HDAC4: variants seen among roughly 807,000 people sequenced by gnomAD.
The protein encoded by HDAC4 is histone deacetylase A.
A neutral mutation model predicts 135.1 loss-of-function variants in HDAC4; 16 were observed. The observed-to-expected ratio is 0.12, with a 90% CI of 0.08 to 0.18. The LOEUF is 0.18. Among genes scored for constraint, HDAC4 ranks in the 10% least tolerant of loss-of-function variants. The probability of loss-of-function intolerance (pLI) is 1.00; values close to 1 mark genes in which losing one functional copy is unlikely to be tolerated. For synonymous variants in HDAC4, 685 were observed against 653.4 expected (o/e 1.05, Z -0.74); for missense variants, 1,143 against 1,511.8 (o/e 0.76, Z 4.05).
At chr2:239,225,091 A>C (rs1435032464) in intron 3 of HDAC4, among the ~76,000 whole-genome samples, 1 of 152,256 alleles carries the variant, frequency 6.6e-6, no homozygotes, top group Non-Finnish European at 1.5e-5. Flanking sequence ...GACTTTCGGG[A>C]AACAAAAAAC....
chr2:239,065,346 C>T lies in HDAC4; in HGVS notation c.3003+1376G>A, dbSNP rs111639483. Among the ~76,000 whole-genome samples the T allele has an allele frequency of 1.6e-3, 242 of 152,350 alleles. 1 individual carries two copies. The highest frequency in any genetic ancestry group is 5.5e-3 in the African/African-American group (227 of 41,574). On this transcript the variant is annotated intron_variant, in intron 24 of 26. Transcript: ENST00000543185. ...ACAGGCAGGCAAAAGCCAGCACTGACCCGAGGGCATCTGAGCTGCTGTCCC... is the reference window on the plus strand; with the variant it reads ...ACAGGCAGGCAAAAGCCAGCACTGATCCGAGGGCATCTGAGCTGCTGTCCC...
intron 4 of HDAC4, chr2:239,186,686 G>C (rs566806687): frequency 6.6e-6 from 1 of 152,442 alleles, no homozygotes; most frequent in South Asian, 2.1e-4. Context: ...TAGGAGCGAC[G>C]TGAGGACTGG....
At chr2:239,058,149 T>C (rs944262806) in intron 24 of HDAC4, among the ~76,000 whole-genome samples, 2 of 152,144 alleles carry the variant, frequency 1.3e-5, no homozygotes, top group Non-Finnish European at 2.9e-5. Context: ...CGGGCTTTGG[T>C]TTGCATGGAG....
At chr2:239,128,412 G>A (rs145900122) in intron 11 of HDAC4, among the ~76,000 whole-genome samples, 7,070 of 151,904 alleles carry the variant, frequency 0.047, 285 homozygotes, top group Non-Finnish European at 0.07. Context: ...GCCTGTAATC[G>A]CAGCTACTCA....
At chr2:239,383,980 G>A (rs903622078) in intron 1 of HDAC4, among the ~76,000 whole-genome samples, 4 of 152,228 alleles carry the variant, frequency 2.6e-5, no homozygotes, top group Non-Finnish European at 2.9e-5. Context: ...CCTGGGCACC[G>A]TGCGAGAGGC....
rs568125675 is a variant in HDAC4, at chr2:239,313,190, C to A, written c.22+39488G>T. 1.3e-5 allele frequency among the ~76,000 whole-genome samples: 2 copies of A among 152,338 alleles called. No homozygotes were observed. The highest frequency in any genetic ancestry group is 4.1e-4 in the South Asian group (2 of 4,826). On this transcript the variant is annotated intron_variant, in intron 2 of 26. Coordinates refer to ENST00000543185, the MANE Select transcript of HDAC4 (RefSeq NM_001378414.1). The surrounding 1 kb of genome is among the most constrained non-coding windows in gnomAD (Gnocchi z 5.1). ...GCCCAGTCTCTCCCTCTCACCAGCA[C>A]ACAGATGTTCTCAGCGGCAGAGCCT... is the stretch of plus-strand genomic sequence containing the variant.
intron 2 of HDAC4, among the ~76,000 whole-genome samples, chr2:239,252,165 A>G (rs1374862649): frequency 6.6e-6 from 1 of 152,200 alleles, no homozygotes; most frequent in Non-Finnish European, 1.5e-5. Context: ...TGGTGGTTCC[A>G]GGATTCTGGC....
At chr2:239,226,653 T>C (rs907689331) in intron 3 of HDAC4, among the ~76,000 whole-genome samples, 1 of 149,460 alleles carries the variant, frequency 6.7e-6, no homozygotes, top group East Asian at 2.0e-4. Flanking sequence ...ACAACAACAA[T>C]GTAACATGTA....
At chr2:239,192,187 G>A (rs1319215946) in intron 3 of HDAC4, among the ~76,000 whole-genome samples, 2 of 115,684 alleles carry the variant, frequency 1.7e-5, no homozygotes, top group Non-Finnish European at 3.4e-5. Flanking sequence ...CCGCACATGG[G>A]TGAGGACTGT....
chr2:239,380,950 G>A (rs1441641339), intron 1 of HDAC4, among the ~76,000 whole-genome samples: 2 of 152,116 alleles, frequency 1.3e-5, no homozygotes, highest in Non-Finnish European at 2.9e-5. Flanking sequence ...AGCGCCTCCC[G>A]GATGCAAGGA....
At chr2:239,362,883 G>T (rs758634006) in intron 1 of HDAC4, among the ~76,000 whole-genome samples, 7 of 152,176 alleles carry the variant, frequency 4.6e-5, no homozygotes, top group African/African-American at 1.7e-4. Flanking sequence ...AGATGATATA[G>T]TGTATACACA....
At chr2:239,221,985 T>A (rs1161590700) in intron 3 of HDAC4, among the ~76,000 whole-genome samples, 1 of 152,226 alleles carries the variant, frequency 6.6e-6, no homozygotes, top group Non-Finnish European at 1.5e-5. Context: ...CCAAATTTGA[T>A]TCGAACAGAA....
At chr2:239,277,161 C>T (rs1018105249) in intron 2 of HDAC4, among the ~76,000 whole-genome samples, 2 of 152,180 alleles carry the variant, frequency 1.3e-5, no homozygotes, top group Non-Finnish European at 2.9e-5. Context: ...ATAGTGGGGT[C>T]CCGAGGTTAG....
chr2:239,098,620 T>A (rs1461101581), intron 16 of HDAC4, among the ~76,000 whole-genome samples: 1 of 152,256 alleles, frequency 6.6e-6, no homozygotes, highest in African/African-American at 2.4e-5. Flanking sequence ...CAGCCACGCC[T>A]TATGTGTGGC....
chr2:239,162,814 G>A (rs771913907), intron 6 of HDAC4, among the ~76,000 whole-genome samples: 8 of 152,260 alleles, frequency 5.3e-5, no homozygotes, highest in South Asian at 2.1e-4. Flanking sequence ...GGTAGCGGGC[G>A]GCCTCCACGG....
chr2:239,389,200 T>C (rs2411846), intron 1 of HDAC4, among the ~76,000 whole-genome samples: 150,316 of 152,258 alleles, frequency 0.99, 74,202 homozygotes, highest in East Asian at 1. Context: ...CAGTAGGACG[T>C]GGGTGGGGAC....
chr2:239,260,737 T>C (rs1008353530), intron 2 of HDAC4, among the ~76,000 whole-genome samples: 1 of 152,218 alleles, frequency 6.6e-6, no homozygotes, highest in African/African-American at 2.4e-5. Context: ...TTCTCATGCC[T>C]GGCCTCCCCC....
At chr2:239,374,793 AT>A (rs1694891630) in intron 1 of HDAC4, among the ~76,000 whole-genome samples, 1 of 152,218 alleles carries the variant, frequency 6.6e-6, no homozygotes, top group African/African-American at 2.4e-5. Flanking sequence ...AAGATCTCAA[AT>A]TTCAGATAAA....
chr2:239,214,109 G>A (rs2046490813), intron 3 of HDAC4, among the ~76,000 whole-genome samples: 1 of 152,212 alleles, frequency 6.6e-6, no homozygotes, highest in Admixed American at 6.5e-5. Context: ...TTATCTTACA[G>A]TTCCGGAGGC....
Sources: gnomAD v4.1 joint callset for allele counts (sites outside exome capture counted in the v4.1 genomes callset) on GRCh38, gnomAD v4.1.1 for gene constraint, Gnocchi (gnomAD v3.1) non-coding constraint, MANE v1.5 for transcripts, NCBI Gene and HGNC (gene_info 2026-07-23, HGNC 2026-07-21) for gene names.